The following PDE8B variants were observed in gnomAD, a reference collection of about 807,000 sequenced individuals.
The protein encoded by PDE8B is phosphodiesterase 8B.
Under a neutral mutation model 101.3 loss-of-function variants are expected in PDE8B, and 26 were observed. That is an observed-to-expected ratio of 0.26 (90% confidence interval 0.19 to 0.36). The LOEUF is 0.36. PDE8B is among the 10% of genes least tolerant of loss of function. The pLI, the probability that PDE8B is intolerant of heterozygous loss-of-function variation, is 1.00. For synonymous variants in PDE8B, 424 were observed against 429.3 expected, an observed-to-expected ratio of 0.99 and a Z score of 0.15; for missense variants, 810 against 1,163.1, an observed-to-expected ratio of 0.70 and a Z score of 4.42.
Position 77,300,812 on chromosome 5 carries a change from G to C in PDE8B, c.340-11182G>C, listed in dbSNP as rs538664447. Among the ~76,000 whole-genome samples the C allele has an allele frequency of 5.9e-5, 9 of 152,304 alleles. No individual in the cohort carries two copies. The East Asian group carries it at 1.5e-3, about 26-fold the overall frequency. On this transcript the variant is annotated intron_variant, in intron 1 of 21. Transcript: ENST00000264917. ...TTTTAATTGTGTAGTGTTTCACTCA[G>C]GTTGTATGTCATTAGGATGTTAATG...
At chr5:77,278,958 A>G (rs1580753737) in intron 1 of PDE8B, among the ~76,000 whole-genome samples, 2 of 152,190 alleles carry the variant, frequency 1.3e-5, no homozygotes, top group East Asian at 3.8e-4. Flanking sequence ...TCCTGTTGTT[A>G]GAGTGCTTGA....
chr5:77,189,137 C>CAATG, the PDE8B span, among the ~76,000 whole-genome samples: 1 of 152,172 alleles, frequency 6.6e-6, no homozygotes, highest in South Asian at 2.1e-4. Flanking sequence ...ATCTGGAAGG[C>CAATG]AATGAGAGCT....
chr5:77,283,060 A>G (rs183635782), intron 1 of PDE8B, among the ~76,000 whole-genome samples: 9 of 152,312 alleles, frequency 5.9e-5, no homozygotes, highest in Admixed American at 2.0e-4. Flanking sequence ...ATGTTTTAAT[A>G]ATAAAAGTAT....
chr5:77,350,595 A>G (rs1405344853), intron 8 of PDE8B, among the ~76,000 whole-genome samples: 1 of 151,978 alleles, frequency 6.6e-6, no homozygotes, highest in Non-Finnish European at 1.5e-5. Flanking sequence ...GTAGGATGTT[A>G]GGAAGATGAT....
chr5:77,269,126 C>T (rs1416131535), intron 1 of PDE8B, among the ~76,000 whole-genome samples: 2 of 152,042 alleles, frequency 1.3e-5, no homozygotes, highest in African/African-American at 4.8e-5. Context: ...CCGCCACATC[C>T]TCGCCAGCAT....
chr5:77,388,747 C>G (rs1003868361), intron 10 of PDE8B, among the ~76,000 whole-genome samples: 6 of 152,098 alleles, frequency 3.9e-5, no homozygotes, highest in Middle Eastern at 3.2e-3. Context: ...GGAATGCTGC[C>G]TTTTTTTCAG....
chr5:77,425,151 T>C (rs1312952043), intron 20 of PDE8B, among the ~76,000 whole-genome samples: 1 of 152,222 alleles, frequency 6.6e-6, no homozygotes, highest in Non-Finnish European at 1.5e-5. Context: ...GTATGAGAAT[T>C]TGTGTTTGTA....
At chr5:77,138,983 C>T in the PDE8B span, among the ~76,000 whole-genome samples, 3 of 152,208 alleles carry the variant, frequency 2.0e-5, no homozygotes, top group Admixed American at 1.3e-4. Context: ...TTACCTCAAG[C>T]TTGCAACAAT....
chr5:77,363,778 G>A (rs966257772), intron 10 of PDE8B, among the ~76,000 whole-genome samples: 47 of 151,776 alleles, frequency 3.1e-4, no homozygotes, highest in South Asian at 4.2e-4. Context: ...AAAAGGCAAC[G>A]AAAGGCAGGA....
At chr5:77,204,296 A>G in the PDE8B span, among the ~76,000 whole-genome samples, 1 of 151,550 alleles carries the variant, frequency 6.6e-6, no homozygotes, top group African/African-American at 2.4e-5. Flanking sequence ...CTGTATTCCC[A>G]GCTATTTGGG....
At chr5:77,392,756 A>G (rs1212705049) in intron 10 of PDE8B, among the ~76,000 whole-genome samples, 1 of 152,112 alleles carries the variant, frequency 6.6e-6, no homozygotes, top group Non-Finnish European at 1.5e-5. Flanking sequence ...GAGGGTGGCT[A>G]TAGCTTTAGT....
At chr5:77,340,749 G>A (rs930846403) in intron 6 of PDE8B, among the ~76,000 whole-genome samples, 1 of 152,052 alleles carries the variant, frequency 6.6e-6, no homozygotes, top group Non-Finnish European at 1.5e-5. Flanking sequence ...AACCATCACA[G>A]CTACTCAGCA....
upstream of PDE8B, among the ~76,000 whole-genome samples, chr5:77,207,973 G>T (rs1231707569): frequency 1.3e-5 from 2 of 152,208 alleles, no homozygotes; most frequent in Non-Finnish European, 2.9e-5. Flanking sequence ...CAACAAAGAA[G>T]TTGCAGTCAA....
intron 1 of PDE8B, among the ~76,000 whole-genome samples, chr5:77,249,725 C>T (rs1399139805): frequency 6.6e-6 from 1 of 152,232 alleles, no homozygotes; most frequent in Non-Finnish European, 1.5e-5. Context: ...GCCTTATCAG[C>T]TGTCAAGGCC....
At chr5:77,413,090 G>A in intron 16 of PDE8B, 21 bp from the exon 17 acceptor site, 1 of 1,603,604 alleles carries the variant, frequency 6.2e-7, no homozygotes, top group Non-Finnish European at 8.5e-7. Context: ...ATGAGCCAGG[G>A]TGGGTTTTCC....
At chr5:77,374,875 TC>T (rs1785761269) in intron 10 of PDE8B, among the ~76,000 whole-genome samples, 1 of 152,166 alleles carries the variant, frequency 6.6e-6, no homozygotes, top group Non-Finnish European at 1.5e-5. Flanking sequence ...TTTGGGCAAA[TC>T]CCCTAAGGAC....
the PDE8B span, chr5:77,119,752 G>A: frequency 3.3e-5 from 5 of 152,086 alleles, no homozygotes; most frequent in Non-Finnish European, 7.3e-5. Flanking sequence ...GCTCATGCCT[G>A]TAATCCTAGC....
intron 16 of PDE8B, 132 bp downstream of exon 16, chr5:77,412,367 G>C (rs1240155646): frequency 1.2e-6 from 1 of 852,130 alleles, no homozygotes. Flanking sequence ...TGCCATGTTA[G>C]AGTAGTGTTG....
chr5:77,161,743 G>A, the PDE8B span, among the ~76,000 whole-genome samples: 41 of 152,192 alleles, frequency 2.7e-4, no homozygotes, highest in African/African-American at 9.6e-4. Flanking sequence ...CACCAACATT[G>A]ATGAGCATTT....
Sources: allele counts gnomAD v4.1 joint callset (sites outside exome capture counted in the v4.1 genomes callset), GRCh38; gene constraint gnomAD v4.1.1; transcripts MANE v1.5; gene names NCBI Gene and HGNC (gene_info 2026-07-23, HGNC 2026-07-21).